The following IGSF10 variants were observed in gnomAD, a reference collection of about 807,000 sequenced individuals.
IGSF10 encodes the protein calvaria mechanical force protein 608.
Under a neutral mutation model 128.2 loss-of-function variants are expected in IGSF10, and 126 were observed. That is an observed-to-expected ratio of 0.98 (90% CI 0.85 to 1.14). IGSF10 has a LOEUF of 1.14. Ranked by LOEUF, IGSF10 falls within the 50% of genes most tolerant of loss-of-function variation. IGSF10 has a pLI of 0.00. For missense variants in IGSF10, 3,295 were observed against 3,149.8 expected (o/e 1.05, Z -1.10); for synonymous variants, 1,185 against 1,146.2 (o/e 1.03, Z -0.68).
At chr3:151,598,470 G>A in the IGSF10 span, among the ~76,000 whole-genome samples, 3 of 152,136 alleles carry the variant, frequency 2.0e-5, no homozygotes, top group Non-Finnish European at 4.4e-5. Flanking sequence ...TATCCATGGG[G>A]GATTGGTTCC....
the IGSF10 span, among the ~76,000 whole-genome samples, chr3:151,545,271 G>A: frequency 2.6e-5 from 4 of 152,114 alleles, no homozygotes; most frequent in Non-Finnish European, 5.9e-5. Context: ...GTAGTTAAAA[G>A]GAGGCCCTGA....
In IGSF10 at chr3:151,437,047, A is replaced by C; in HGVS notation, c.7514T>G (p.Ile2505Ser). 6.2e-7 allele frequency: 1 copy of C among 1,614,198 alleles called. No individual in the cohort carries two copies. Among genetic ancestry groups the C allele is most frequent in the Non-Finnish European group, 8.5e-7 (1 of 1,180,020 alleles). Residue 2505 changes from isoleucine (I) to serine (S), a missense_variant, in exon 8 of 8, where the codon ATC (isoleucine) becomes AGC (serine). Ile to Ser is a moderately radical substitution (Grantham distance 142). Transcript: ENST00000282466. The stretch of plus-strand genomic sequence containing the variant: ...ACCAACACTATTTTGAGCCTTACAG[A>C]TATAGTTTCCTCTGTCATAAGCTGT... ...EATAYDRGNY[I>S]CKAQNSVGHT...
chr3:151,441,989 A>T (rs1164885640), intron 7 of IGSF10, among the ~76,000 whole-genome samples: 1 of 152,332 alleles, frequency 6.6e-6, no homozygotes, highest in Non-Finnish European at 1.5e-5. Context: ...TGAACCTGGG[A>T]GGCGGAGCTT....
the IGSF10 span, among the ~76,000 whole-genome samples, chr3:151,483,611 C>T: frequency 1.3e-5 from 2 of 152,090 alleles, no homozygotes; most frequent in African/African-American, 4.8e-5. Flanking sequence ...AACTGAGGTA[C>T]CTAGGTCATC....
At chr3:151,533,332 A>G in the IGSF10 span, among the ~76,000 whole-genome samples, 2 of 152,118 alleles carry the variant, frequency 1.3e-5, no homozygotes, top group Non-Finnish European at 2.9e-5. Context: ...TATGGAACCA[A>G]AAAAAGAGCC....
the IGSF10 span, among the ~76,000 whole-genome samples, chr3:151,589,676 A>C: frequency 6.6e-6 from 1 of 152,208 alleles, no homozygotes; most frequent in African/African-American, 2.4e-5. Context: ...TTTTTATGTC[A>C]TGCCAACTAG....
At position 151,445,912 on chromosome 3, in the gene IGSF10, C is replaced by G; in HGVS notation, c.4069G>C (p.Asp1357His). The change falls in exon 6 of 8, where the codon GAC becomes CAC. Residue 1357 changes from aspartate (D) to histidine (H), a missense_variant. Coordinates refer to ENST00000282466, the MANE Select transcript of IGSF10 (RefSeq NM_178822.5). ...EQEPQKKNRT[D>H]PNISPDQSSG... ...CTCTGGTCTGGAGAGATGTTTGGGT[C>G]AGTCCTGTTCTTCTTTTGAGGCTCC... 1 of 1,614,122 alleles carries G rather than the reference C, an allele frequency of 6.2e-7. No homozygotes were observed.
chr3:151,486,967 C>T, the IGSF10 span, among the ~76,000 whole-genome samples: 1 of 151,742 alleles, frequency 6.6e-6, no homozygotes, highest in Non-Finnish European at 1.5e-5. Context: ...TAGCAGAAGA[C>T]AAGAAATAAC....
At chr3:151,538,231 T>G in the IGSF10 span, among the ~76,000 whole-genome samples, 1 of 152,210 alleles carries the variant, frequency 6.6e-6, no homozygotes, top group Non-Finnish European at 1.5e-5. Flanking sequence ...GGGTCACTCC[T>G]GGGACCACCA....
chr3:151,520,148 T>C, the IGSF10 span, among the ~76,000 whole-genome samples: 1 of 151,826 alleles, frequency 6.6e-6, no homozygotes, highest in Non-Finnish European at 1.5e-5. Context: ...GTGTACCTTT[T>C]TCAGATATTC....
At chr3:151,602,362 T>C in the IGSF10 span, among the ~76,000 whole-genome samples, 2 of 152,188 alleles carry the variant, frequency 1.3e-5, no homozygotes, top group African/African-American at 4.8e-5. Flanking sequence ...TGATTTCCTG[T>C]GCTCAATCTT....
the IGSF10 span, among the ~76,000 whole-genome samples, chr3:151,497,402 A>C: frequency 1.3e-5 from 2 of 152,196 alleles, no homozygotes; most frequent in African/African-American, 4.8e-5. Flanking sequence ...ATGGCTAGCC[A>C]GTTTTCCCAG....
chr3:151,523,444 A>G, the IGSF10 span, among the ~76,000 whole-genome samples: 2 of 152,206 alleles, frequency 1.3e-5, no homozygotes, highest in Non-Finnish European at 2.9e-5. Flanking sequence ...TAAACGAAAC[A>G]GCATAGTACT....
chr3:151,504,667 A>C, the IGSF10 span, among the ~76,000 whole-genome samples: 7 of 152,224 alleles, frequency 4.6e-5, no homozygotes, highest in African/African-American at 1.7e-4. Context: ...GACTATTTTA[A>C]GTTCAGCCTA....
chr3:151,436,460 G>A lies in IGSF10; in HGVS notation c.*229C>T, dbSNP rs781532973. The A allele has an allele frequency of 1.3e-5, 5 of 395,906 alleles. No homozygotes were observed. Among genetic ancestry groups the A allele is most frequent in the Non-Finnish European group, 1.8e-5 (4 of 223,340 alleles). 24.5% of individuals were successfully genotyped at this position (395,906 alleles called of 1,614,324 possible). On this transcript the variant is annotated 3_prime_UTR_variant, in exon 8 of 8. Transcript: ENST00000282466. ...CAATGTTTGTTTATTGTTATTTGTT[G>A]GCAAAATAAAAGTGCCTTAAGTTAA...
chr3:151,507,152 C>T, the IGSF10 span, among the ~76,000 whole-genome samples: 1 of 152,092 alleles, frequency 6.6e-6, no homozygotes, highest in East Asian at 1.9e-4. Flanking sequence ...CAATATGGCC[C>T]TTTATTCCTC....
At chr3:151,555,198 C>T in the IGSF10 span, among the ~76,000 whole-genome samples, 24,347 of 151,930 alleles carry the variant, frequency 0.16, 2,028 homozygotes, top group Middle Eastern at 0.2. Flanking sequence ...ACTGCAAAAA[C>T]GAAAAATGTA....
At chr3:151,444,025 AC>A in intron 6 of IGSF10, 141 bp from the exon 7 acceptor site, 3 of 667,080 alleles carry the variant, frequency 4.5e-6, no homozygotes, top group Non-Finnish European at 7.4e-6. Flanking sequence ...TATAATCCCA[AC>A]ACTTTGGGAG....
the IGSF10 span, among the ~76,000 whole-genome samples, chr3:151,614,780 C>A: frequency 2.0e-5 from 3 of 151,458 alleles, no homozygotes; most frequent in African/African-American, 4.9e-5. Flanking sequence ...ATGTAACAAA[C>A]CTGCACGTTG....
Sources: allele counts gnomAD v4.1 joint callset (sites outside exome capture counted in the v4.1 genomes callset), GRCh38; gene constraint gnomAD v4.1.1; transcripts MANE v1.5; gene names NCBI Gene and HGNC (gene_info 2026-07-23, HGNC 2026-07-21).